CALB2: variants seen among roughly 807,000 people sequenced by gnomAD.
CALB2 encodes calbindin 2, also known as calretinin.
In CALB2, 34 loss-of-function variants were observed where a neutral mutation model predicts 45.9. The ratio of observed to expected loss-of-function variants is 0.74; its 90% CI spans 0.56 to 0.99. The LOEUF is 0.99. CALB2 is among the 50% of genes least tolerant of loss of function. The pLI is 0.00. For missense variants in CALB2, 344 were observed against 339.3 expected (o/e 1.01, Z -0.11); for synonymous variants, 142 against 129.6 (o/e 1.10, Z -0.65).
chr16:71,370,940 T>A (rs114455238), intron 1 of CALB2, among the ~76,000 whole-genome samples: 1 of 152,162 alleles, frequency 6.6e-6, no homozygotes, highest in East Asian at 1.9e-4. Flanking sequence ...TCACTACTTA[T>A]GTGATCTCGC....
intron 2 of CALB2, 93 bp from the exon 3 acceptor site, chr16:71,374,652 C>G (rs914934791): frequency 1.2e-6 from 1 of 842,028 alleles, no homozygotes; most frequent in African/African-American, 1.7e-5. Flanking sequence ...ACCCACTTAC[C>G]CAGGATGCAA....
At chr16:71,366,480 A>G (rs2144956898) in intron 1 of CALB2, among the ~76,000 whole-genome samples, 1 of 151,550 alleles carries the variant, frequency 6.6e-6, no homozygotes, top group Admixed American at 6.6e-5. Flanking sequence ...ACAGGCACAC[A>G]CCACCACACC....
intron 2 of CALB2, among the ~76,000 whole-genome samples, chr16:71,374,478 AG>A (rs2144973154): frequency 6.6e-6 from 1 of 152,320 alleles, no homozygotes; most frequent in African/African-American, 2.4e-5. Context: ...TCCATCTCAA[AG>A]GCAGCAGGGC....
intron 10 of CALB2, among the ~76,000 whole-genome samples, chr16:71,388,576 G>A (rs2042598611): frequency 6.6e-6 from 1 of 152,056 alleles, no homozygotes; most frequent in Non-Finnish European, 1.5e-5. Context: ...TGAGACAATG[G>A]GCATATGTTC....
At chr16:71,382,812 G>A (rs377617012) in intron 5 of CALB2, 37 bp downstream of exon 5, 4 of 1,579,222 alleles carry the variant, frequency 2.5e-6, no homozygotes, top group African/African-American at 2.7e-5. Flanking sequence ...AGGCCAGAGT[G>A]GCGGTGGGCT....
At chr16:71,389,344 A>C (rs2042609665) in intron 10 of CALB2, among the ~76,000 whole-genome samples, 1 of 152,182 alleles carries the variant, frequency 6.6e-6, no homozygotes, top group Non-Finnish European at 1.5e-5. Flanking sequence ...AGGCCCAGTG[A>C]GGTCGAGGAA....
chr16:71,366,947 T>G (rs1416251824), intron 1 of CALB2, among the ~76,000 whole-genome samples: 1 of 152,032 alleles, frequency 6.6e-6, no homozygotes, highest in Non-Finnish European at 1.5e-5. Context: ...GTAGAATTAT[T>G]AATATTATAC....
chr16:71,389,214 T>C (rs1256484056), intron 10 of CALB2, among the ~76,000 whole-genome samples: 1 of 132,026 alleles, frequency 7.6e-6, no homozygotes, highest in African/African-American at 2.5e-5. Flanking sequence ...AAAAAATTCC[T>C]TGCTTAAATA....
chr16:71,370,857 G>A (rs534381132), intron 1 of CALB2, among the ~76,000 whole-genome samples: 2 of 152,288 alleles, frequency 1.3e-5, no homozygotes, highest in South Asian at 4.2e-4. Context: ...CAGTGACCTT[G>A]ACCATGCATT....
intron 1 of CALB2, among the ~76,000 whole-genome samples, chr16:71,359,965 G>A (rs762688387): frequency 2.1e-4 from 32 of 152,366 alleles, no homozygotes; most frequent in Middle Eastern, 3.4e-3. Context: ...TAAGACAGAT[G>A]CTGTCTCCAG....
At chr16:71,358,977 A>T (rs2042212139) in intron 1 of CALB2, 91 bp downstream of exon 1, 1 of 1,138,902 alleles carries the variant, frequency 8.8e-7, no homozygotes, top group South Asian at 1.4e-5. Flanking sequence ...GGGCAGGTGT[A>T]CGTTTGCCCT....
intron 6 of CALB2, 36 bp downstream of exon 6, chr16:71,383,480 C>G (rs1457317403): frequency 6.3e-7 from 1 of 1,591,072 alleles, no homozygotes; most frequent in South Asian, 1.1e-5. Context: ...CCCCAGGGTG[C>G]AGGACTTGTG....
At chr16:71,371,272 T>G (rs567191245) in intron 1 of CALB2, among the ~76,000 whole-genome samples, 1 of 152,298 alleles carries the variant, frequency 6.6e-6, no homozygotes, top group South Asian at 2.1e-4. Context: ...TTGATCCCTG[T>G]GACCAAGTCT....
intron 3 of CALB2, among the ~76,000 whole-genome samples, chr16:71,377,379 A>G (rs1315095015): frequency 6.6e-6 from 1 of 152,176 alleles, no homozygotes; most frequent in Non-Finnish European, 1.5e-5. Flanking sequence ...ACATGGAATC[A>G]TCTGTTAAGT....
In CALB2 at chr16:71,390,026, G is replaced by C; in HGVS notation, c.*161G>C. On this transcript the variant is annotated 3_prime_UTR_variant, in exon 11 of 11. Coordinates refer to ENST00000302628, the MANE Select transcript of CALB2 (RefSeq NM_001740.5). ...AATGAGAGATAGAGGATGGGCAGCTGGGGGGCTGTCCTGAGCCCCCTGCAC... is the reference window on the plus strand; with the variant it reads ...AATGAGAGATAGAGGATGGGCAGCTCGGGGGCTGTCCTGAGCCCCCTGCAC... The C allele has an allele frequency of 1.7e-6, 1 of 585,996 alleles. No individual in the cohort carries two copies. The highest frequency in any genetic ancestry group is 3.0e-6 in the Non-Finnish European group (1 of 338,458). 36.3% of individuals were successfully genotyped at this position (585,996 alleles called of 1,614,324 possible).
At chr16:71,378,703 A>C (rs954196120) in intron 4 of CALB2, among the ~76,000 whole-genome samples, 1 of 152,212 alleles carries the variant, frequency 6.6e-6, no homozygotes, top group Admixed American at 6.5e-5. Flanking sequence ...CACTGTGTAC[A>C]TGCATCTCTC....
intron 10 of CALB2, 51 bp downstream of exon 10, chr16:71,385,699 G>A (rs374109148): frequency 6.7e-7 from 1 of 1,482,796 alleles, no homozygotes. Flanking sequence ...CACAGGAGAG[G>A]CTTCTGCAGG....
intron 2 of CALB2, among the ~76,000 whole-genome samples, chr16:71,372,943 T>G (rs2042369682): frequency 1.3e-5 from 2 of 152,102 alleles, no homozygotes; most frequent in Admixed American, 6.6e-5. Flanking sequence ...CTGGCCTCAT[T>G]TGTGGTGGTG....
At chr16:71,379,065 T>G (rs1396908792) in intron 4 of CALB2, among the ~76,000 whole-genome samples, 2 of 152,054 alleles carry the variant, frequency 1.3e-5, no homozygotes, top group Admixed American at 1.3e-4. Flanking sequence ...TCACTTGAGA[T>G]CAGGAGTTTG....
Sources: allele counts gnomAD v4.1 joint callset (sites outside exome capture counted in the v4.1 genomes callset), GRCh38; gene constraint gnomAD v4.1.1; transcripts MANE v1.5; gene names NCBI Gene and HGNC (gene_info 2026-07-23, HGNC 2026-07-21).